Variants in RORB observed in about 807,000 individuals in gnomAD.
The protein encoded by RORB is nuclear receptor ROR-beta.
RORB carries 6 observed loss-of-function variants against 59.1 expected under a neutral mutation model. The ratio of observed to expected loss-of-function variants is 0.10; its 90% CI spans 0.06 to 0.20. The LOEUF is 0.20. RORB is among the 10% of genes least tolerant of loss of function. The pLI is 1.00. For synonymous variants in RORB, 215 were observed against 204.5 expected, an observed-to-expected ratio of 1.05 and a Z score of -0.44; for missense variants, 320 against 560.5, an observed-to-expected ratio of 0.57 and a Z score of 4.33.
At chr9:74,587,818 T>G (rs1822824517) in intron 1 of RORB, among the ~76,000 whole-genome samples, 1 of 152,188 alleles carries the variant, frequency 6.6e-6, no homozygotes, top group Non-Finnish European at 1.5e-5. Flanking sequence ...TATTGTCCCA[T>G]TGGCCAAAGT....
At chr9:74,581,383 G>A (rs1822720611) in intron 1 of RORB, among the ~76,000 whole-genome samples, 1 of 152,056 alleles carries the variant, frequency 6.6e-6, no homozygotes, top group East Asian at 1.9e-4. Context: ...CCAGTTTCAG[G>A]GGGAAAATGG....
At chr9:74,599,275 T>C (rs1369213946) in intron 1 of RORB, among the ~76,000 whole-genome samples, 1 of 151,800 alleles carries the variant, frequency 6.6e-6, no homozygotes, top group East Asian at 1.9e-4. Flanking sequence ...TTCTTGTGTA[T>C]AGCAAGACAT....
At chr9:74,568,517 T>C (rs1334870186) in intron 1 of RORB, among the ~76,000 whole-genome samples, 1 of 151,902 alleles carries the variant, frequency 6.6e-6, no homozygotes, top group African/African-American at 2.4e-5. Flanking sequence ...CTGGCCAAGA[T>C]GGTGAAACCC....
At chr9:74,676,888 G>T (rs1824452263) in intron 9 of RORB, among the ~76,000 whole-genome samples, 1 of 152,166 alleles carries the variant, frequency 6.6e-6, no homozygotes, top group African/African-American at 2.4e-5. Context: ...AAATGCAATG[G>T]GAATCTAAGG....
chr9:74,634,398 G>GGAATGAAT (rs572204246), intron 2 of RORB, among the ~76,000 whole-genome samples: 1 of 152,134 alleles, frequency 6.6e-6, no homozygotes, highest in East Asian at 1.9e-4. Context: ...ATTGATTCAA[G>GGAATGAAT]GAATGAATGA....
chr9:74,689,741 C>A lies in RORB; in HGVS notation c.*4123C>A, dbSNP rs1824709532. 1.3e-5 allele frequency: 2 copies of A among 152,208 alleles called. No homozygotes were observed. The highest frequency in any genetic ancestry group is 4.8e-5 in the African/African-American group (2 of 41,430). The allele number at this position is 152,208 out of a possible 1,614,324, so 9.4% of individuals were successfully genotyped here. On this transcript the variant is annotated 3_prime_UTR_variant, in exon 10 of 10. Transcript: ENST00000376896. ...AGAAAACCATGAAGATCAACTCATG[C>A]TCACTCTCTACAATGCAATGTGTAC...
chr9:74,598,613 AC>A (rs1420393408), intron 1 of RORB, among the ~76,000 whole-genome samples: 1 of 152,178 alleles, frequency 6.6e-6, no homozygotes, highest in African/African-American at 2.4e-5. Flanking sequence ...TGTGTTGAAA[AC>A]ATTAGAAATT....
intron 1 of RORB, among the ~76,000 whole-genome samples, chr9:74,621,504 A>C (rs4745346): frequency 0.31 from 47,608 of 152,138 alleles, 7,608 homozygotes; most frequent in Non-Finnish European, 0.35. Context: ...AGGACATCTT[A>C]ATTGTTTCCA....
At chr9:74,615,289 T>C (rs1467460757) in intron 1 of RORB, among the ~76,000 whole-genome samples, 2 of 152,250 alleles carry the variant, frequency 1.3e-5, no homozygotes, top group East Asian at 3.8e-4. Flanking sequence ...AAATTATATG[T>C]ATCTATATAA....
intron 1 of RORB, among the ~76,000 whole-genome samples, chr9:74,518,295 C>T (rs1332866465): frequency 6.6e-6 from 1 of 151,976 alleles, no homozygotes; most frequent in East Asian, 1.9e-4. Context: ...AGAGGAAGAT[C>T]GTTCAAAAAC....
At chr9:74,660,797 A>T in intron 5 of RORB, 59 bp downstream of exon 5, 1 of 1,550,794 alleles carries the variant, frequency 6.4e-7, no homozygotes, top group Non-Finnish European at 8.7e-7. Flanking sequence ...GTGTTGCTCA[A>T]GCTCAGCACT....
At chr9:74,668,777 C>T (rs1210137373) in intron 8 of RORB, among the ~76,000 whole-genome samples, 2 of 152,126 alleles carry the variant, frequency 1.3e-5, no homozygotes, top group Non-Finnish European at 2.9e-5. Context: ...TTTGGTCTCG[C>T]AGTCCCAGGG....
In RORB at chr9:74,686,907, A is replaced by C. The variant is rs993040296; in HGVS notation, c.*1289A>C. ...AAAAAAGATCTGTGTTATTCTAGGGAACTAATGTACCCCAAAGCCAAAACT... is the reference window on the plus strand; with the variant it reads ...AAAAAAGATCTGTGTTATTCTAGGGCACTAATGTACCCCAAAGCCAAAACT... On this transcript the variant is annotated 3_prime_UTR_variant, in exon 10 of 10. Coordinates refer to ENST00000376896, the MANE Select transcript of RORB (RefSeq NM_006914.4). The C allele has an allele frequency of 6.6e-6, 1 of 152,338 alleles. No individual in the cohort carries two copies. The highest frequency in any genetic ancestry group is 2.4e-5 in the African/African-American group (1 of 41,474). 9.4% of individuals were successfully genotyped at this position (152,338 alleles called of 1,614,324 possible).
intron 1 of RORB, among the ~76,000 whole-genome samples, chr9:74,592,729 T>C (rs1822917574): frequency 1.3e-5 from 2 of 152,204 alleles, no homozygotes; most frequent in Non-Finnish European, 2.9e-5. Flanking sequence ...AGTCATCTTC[T>C]TCCTATTTTG....
intron 8 of RORB, among the ~76,000 whole-genome samples, chr9:74,670,042 C>T (rs1437982111): frequency 6.6e-6 from 1 of 150,822 alleles, no homozygotes; most frequent in African/African-American, 2.4e-5. Flanking sequence ...TTTTATGGCT[C>T]TGTCTAAAAT....
intron 1 of RORB, among the ~76,000 whole-genome samples, chr9:74,622,674 G>A (rs528980827): frequency 7.3e-5 from 11 of 151,548 alleles, no homozygotes; most frequent in South Asian, 6.3e-4. Context: ...CTACAGGTGC[G>A]CACCACCACA....
intron 1 of RORB, among the ~76,000 whole-genome samples, chr9:74,571,213 A>G (rs541167734): frequency 1.3e-5 from 2 of 152,220 alleles, no homozygotes; most frequent in South Asian, 2.1e-4. Flanking sequence ...TAAAATGCAC[A>G]TTGTCTCGAT....
intron 3 of RORB, among the ~76,000 whole-genome samples, chr9:74,637,685 C>T (rs1049687782): frequency 2.2e-4 from 33 of 152,240 alleles, no homozygotes; most frequent in African/African-American, 7.9e-4. Context: ...TATGTCCTCC[C>T]AAGTGGCATG....
chr9:74,564,835 T>C (rs1346283023), intron 1 of RORB, among the ~76,000 whole-genome samples: 1 of 152,168 alleles, frequency 6.6e-6, no homozygotes, highest in Non-Finnish European at 1.5e-5. Flanking sequence ...ATTTCTCAGT[T>C]CTGGTATTTT....
Sources: allele counts gnomAD v4.1 joint callset (sites outside exome capture counted in the v4.1 genomes callset), GRCh38; gene constraint gnomAD v4.1.1; transcripts MANE v1.5; gene names NCBI Gene and HGNC (gene_info 2026-07-23, HGNC 2026-07-21).